Variants in C7 observed in about 807,000 individuals in gnomAD.
C7 encodes the protein complement component C7.
Under a neutral mutation model 104.8 loss-of-function variants are expected in C7, and 83 were observed. That is an observed-to-expected ratio of 0.79 (90% CI 0.66 to 0.95). The LOEUF is 0.95. Among genes scored for constraint, C7 ranks in the 40% least tolerant of loss-of-function variants. C7 has a pLI of 0.00. For missense variants in C7, 1,070 were observed against 1,011.2 expected, an observed-to-expected ratio of 1.06 and a Z score of -0.79; for synonymous variants, 415 against 360.6, an observed-to-expected ratio of 1.15 and a Z score of -1.71.
intron 5 of C7, 63 bp downstream of exon 5, chr5:40,936,548 T>C: frequency 6.6e-7 from 1 of 1,504,238 alleles, no homozygotes; most frequent in Non-Finnish European, 9.0e-7. Context: ...TTGTTTTATT[T>C]TATAGTTTGG....
At position 40,947,661 on chromosome 5, in the gene C7, T is replaced by C. The variant is rs1000963938; in HGVS notation, c.798T>C (p.Asn266=). The C allele has an allele frequency of 2.5e-6, 4 of 1,613,610 alleles. No individual in the cohort carries two copies. The highest frequency in any genetic ancestry group is 3.4e-6 in the Non-Finnish European group (4 of 1,179,726). ...AAGTGGCTCAGTTCATTAATAACAA[T>C]CCAGAATTTTTACAACTTGCTGAGC... The part of the protein sequence containing the change: ...TVEVAQFINN[N]PEFLQLAEPF... Residue 266 remains asparagine, a synonymous_variant, in exon 8 of 18, where the codon AAT becomes AAC. Coordinates refer to ENST00000313164, the MANE Select transcript of C7 (RefSeq NM_000587.4).
At chr5:40,955,128 T>A (rs1042500858) in intron 9 of C7, among the ~76,000 whole-genome samples, 5 of 152,028 alleles carry the variant, frequency 3.3e-5, no homozygotes, top group Non-Finnish European at 7.4e-5. Flanking sequence ...TACATTAGGG[T>A]TCACTCTTGA....
chr5:40,970,287 T>C (rs1244108888), intron 14 of C7, among the ~76,000 whole-genome samples: 1 of 152,224 alleles, frequency 6.6e-6, no homozygotes. Flanking sequence ...AGCAATACTT[T>C]GTAGAATATT....
At chr5:40,963,425 A>T (rs1013530914) in intron 13 of C7, among the ~76,000 whole-genome samples, 34 of 152,296 alleles carry the variant, frequency 2.2e-4, no homozygotes, top group African/African-American at 7.9e-4. Flanking sequence ...GGAGGAAGGA[A>T]TAGGATCATG....
At chr5:40,929,121 A>T (rs550207240) in intron 2 of C7, among the ~76,000 whole-genome samples, 1 of 152,322 alleles carries the variant, frequency 6.6e-6, no homozygotes, top group East Asian at 1.9e-4. Context: ...GAGCCAGGTC[A>T]GTTCATTTTA....
intron 4 of C7, 44 bp from the exon 5 acceptor site, chr5:40,936,294 T>C (rs780563417): frequency 6.2e-7 from 1 of 1,606,374 alleles, no homozygotes. Context: ...GTGTTTCTCC[T>C]CTTCCCTCTT....
At chr5:40,950,514 C>T (rs909532272) in intron 9 of C7, among the ~76,000 whole-genome samples, 1 of 152,138 alleles carries the variant, frequency 6.6e-6, no homozygotes, top group Non-Finnish European at 1.5e-5. Context: ...CTAACCTCTA[C>T]TCCAGTCTTC....
intron 1 of C7, among the ~76,000 whole-genome samples, chr5:40,923,788 C>T (rs1739493694): frequency 6.6e-6 from 1 of 151,570 alleles, no homozygotes; most frequent in Non-Finnish European, 1.5e-5. Flanking sequence ...ATGTCATGCA[C>T]TTTAAAACAA....
At chr5:40,921,818 C>T (rs1002781649) in intron 1 of C7, among the ~76,000 whole-genome samples, 12 of 151,688 alleles carry the variant, frequency 7.9e-5, no homozygotes, top group East Asian at 1.9e-4. Context: ...GGGTGGATCA[C>T]GAGGTTAGGA....
chr5:40,973,510 G>A (rs1461274803), intron 15 of C7, among the ~76,000 whole-genome samples: 1 of 152,206 alleles, frequency 6.6e-6, no homozygotes, highest in Non-Finnish European at 1.5e-5. Flanking sequence ...AGGGTATGGA[G>A]CACTCAGATA....
rs540149470 is a variant in C7, at chr5:40,924,928, G to T, written c.7-3652G>T. Among the ~76,000 whole-genome samples the T allele has an allele frequency of 7.9e-5, 12 of 152,294 alleles. No individual in the cohort carries two copies. In the South Asian group the frequency reaches 2.3e-3, roughly 29 times the overall value. On this transcript the variant is annotated intron_variant, in intron 1 of 17. Transcript: ENST00000313164. Reference sequence around the variant, plus strand: ...AACCTCCTGACCTGTGATGGGAGGGGCTGCCTCAAAGATCTCTAAAGTGCC... The same window carrying T: ...AACCTCCTGACCTGTGATGGGAGGGTCTGCCTCAAAGATCTCTAAAGTGCC...
intron 1 of C7, among the ~76,000 whole-genome samples, chr5:40,925,184 T>C (rs1431996879): frequency 1.3e-5 from 2 of 152,158 alleles, no homozygotes; most frequent in Non-Finnish European, 2.9e-5. Flanking sequence ...TAAATCTGAG[T>C]GTAGGCTGTT....
chr5:40,952,046 A>G (rs1228634527), intron 9 of C7, among the ~76,000 whole-genome samples: 1 of 152,218 alleles, frequency 6.6e-6, no homozygotes, highest in Non-Finnish European at 1.5e-5. Flanking sequence ...CTGAACATAG[A>G]AATGGAAGTG....
rs774697672 is a variant in C7 at position 40,981,467 on chromosome 5, A to C, written c.2426A>C (p.Asn809Thr). 2.5e-6 allele frequency: 4 copies of C among 1,613,794 alleles called. No individual in the cohort carries two copies. The highest frequency in any genetic ancestry group is 3.4e-6 in the Non-Finnish European group (4 of 1,179,788). ...EEGFSICVEV[N>T]GKEQTMSECE... ...GGGTTTAGCATTTGTGTGGAAGTGA[A>C]CGGCAAGGAGCAGACGATGTCTGAG... Residue 809 changes from asparagine to threonine, a missense_variant, in exon 18 of 18, where the codon AAC (asparagine) becomes ACC (threonine). Physicochemically the swap from Asn to Thr is moderately conservative, Grantham distance 65. Coordinates refer to ENST00000313164, the MANE Select transcript of C7 (RefSeq NM_000587.4).
chr5:40,915,906 A>G (rs1197376000), intron 1 of C7, among the ~76,000 whole-genome samples: 3 of 152,242 alleles, frequency 2.0e-5, no homozygotes, highest in African/African-American at 2.4e-5. Context: ...AAGACTTTTC[A>G]TAGGTACATT....
intron 1 of C7, among the ~76,000 whole-genome samples, chr5:40,913,292 G>A (rs540202338): frequency 2.6e-5 from 4 of 152,228 alleles, no homozygotes; most frequent in African/African-American, 9.6e-5. Flanking sequence ...CTGATATAAT[G>A]ATTTCTTTTC....
intron 5 of C7, 95 bp downstream of exon 5, chr5:40,936,580 T>A: frequency 8.7e-7 from 1 of 1,152,986 alleles, no homozygotes; most frequent in Non-Finnish European, 1.2e-6. Context: ...ACAAGTCTTC[T>A]AATAGGCAAG....
intron 3 of C7, among the ~76,000 whole-genome samples, chr5:40,931,955 T>C (rs1204142093): frequency 6.6e-6 from 1 of 152,186 alleles, no homozygotes; most frequent in Admixed American, 6.5e-5. Context: ...AGATGAGGTT[T>C]AACCATCTTG....
At chr5:40,966,793 C>CAT (rs1740564809) in intron 14 of C7, among the ~76,000 whole-genome samples, 1 of 152,024 alleles carries the variant, frequency 6.6e-6, no homozygotes. Context: ...AGTATTCTAT[C>CAT]GTATATATAT....
Sources: allele counts gnomAD v4.1 joint callset (sites outside exome capture counted in the v4.1 genomes callset), GRCh38; gene constraint gnomAD v4.1.1; transcripts MANE v1.5; gene names NCBI Gene and HGNC (gene_info 2026-07-23, HGNC 2026-07-21).